Variants in SMARCB1 observed in about 807,000 individuals in gnomAD.
SMARCB1 encodes the protein SWI/SNF-related matrix-associated actin-dependent regulator of chromatin subfamily B member 1.
In SMARCB1, 5 loss-of-function variants were observed where a neutral mutation model predicts 49.0. The ratio of observed to expected loss-of-function variants is 0.10; its 90% CI spans 0.05 to 0.21. The LOEUF is 0.21. SMARCB1 is among the 10% of genes least tolerant of loss of function. The probability of loss-of-function intolerance (pLI) is 1.00; values close to 1 mark genes in which losing one functional copy is unlikely to be tolerated. For missense variants in SMARCB1, 226 were observed against 509.2 expected, an observed-to-expected ratio of 0.44 and a Z score of 5.35; for synonymous variants, 201 against 200.1, an observed-to-expected ratio of 1.00 and a Z score of -0.04.
intron 5 of SMARCB1, among the ~76,000 whole-genome samples, chr22:23,805,132 G>A (rs1223350095): frequency 2.0e-5 from 3 of 152,182 alleles, no homozygotes; most frequent in South Asian, 4.1e-4. Context: ...CCAGGCCTGA[G>A]TCCGAAGGCC....
intron 5 of SMARCB1, among the ~76,000 whole-genome samples, chr22:23,812,666 T>G (rs1929951302): frequency 6.6e-6 from 1 of 152,118 alleles, no homozygotes; most frequent in Admixed American, 6.6e-5. Flanking sequence ...GAAGGCTGGG[T>G]CAATATTTGA....
intron 5 of SMARCB1, among the ~76,000 whole-genome samples, chr22:23,813,049 T>G (rs1258597684): frequency 6.6e-6 from 1 of 152,156 alleles, no homozygotes; most frequent in Non-Finnish European, 1.5e-5. Context: ...GTATTTTTAG[T>G]AGAGACGGGG....
At position 23,837,639 on chromosome 22, in the gene SMARCB1, A is replaced by G; in HGVS notation, c.*3459A>G. ...GGGAGTGGCCAGCCTGGGGCGGACT[A>G]GATGTACCGGGAGGCTCACCCAGCA... On this transcript the variant is annotated 3_prime_UTR_variant, in exon 9 of 9. Transcript: ENST00000644036. 2 of 1,607,794 alleles carry G rather than the reference A, an allele frequency of 1.2e-6. No individual in the cohort carries two copies. Among genetic ancestry groups the G allele is most frequent in the Admixed American group, 1.7e-5 (1 of 59,782 alleles).
At chr22:23,814,264 A>G (rs1930049317) in intron 5 of SMARCB1, among the ~76,000 whole-genome samples, 1 of 152,248 alleles carries the variant, frequency 6.6e-6, no homozygotes, top group Non-Finnish European at 1.5e-5. Context: ...GAGAATCCAG[A>G]AACAGACCCA....
At chr22:23,807,424 A>T (rs1929561700) in intron 5 of SMARCB1, among the ~76,000 whole-genome samples, 1 of 151,998 alleles carries the variant, frequency 6.6e-6, no homozygotes. Flanking sequence ...TTTCTACAAA[A>T]ATTCACCAGA....
rs770520034 is a variant in SMARCB1, at chr22:23,787,131, C to T, written c.-39C>T. 2.2e-6 allele frequency: 3 copies of T among 1,381,692 alleles called. No homozygotes were observed. Among genetic ancestry groups the T allele is most frequent in the Middle Eastern group, 1.8e-4 (1 of 5,590 alleles). 85.6% of individuals were successfully genotyped at this position (1,381,692 alleles called of 1,614,324 possible). On this transcript the variant is annotated 5_prime_UTR_variant, in exon 1 of 9. Coordinates refer to ENST00000644036, the MANE Select transcript of SMARCB1 (RefSeq NM_003073.5). ...GGCCCCGCCCCAGCCCTCCTGATCC[C>T]TCGCAGCCCGGCTCCGGCCGCCCGC... is the stretch of plus-strand genomic sequence containing the variant.
At chr22:23,808,400 C>T (rs947701066) in intron 5 of SMARCB1, among the ~76,000 whole-genome samples, 1 of 151,558 alleles carries the variant, frequency 6.6e-6, no homozygotes, top group Non-Finnish European at 1.5e-5. Flanking sequence ...GGATTACAGG[C>T]GTGAGCCACG....
rs146476225 is a variant in SMARCB1, at chr22:23,827,478, A to C, written c.986+2063A>C. Reference sequence around the variant, plus strand: ...CCCTGGTGGTGGCAGGTCAGGATTTAGAGGCAGAGGCGGGCCCCTTCTTTA... The same window carrying C: ...CCCTGGTGGTGGCAGGTCAGGATTTCGAGGCAGAGGCGGGCCCCTTCTTTA... On this transcript the variant is annotated intron_variant, in intron 7 of 8. Coordinates refer to ENST00000644036, the MANE Select transcript of SMARCB1 (RefSeq NM_003073.5). Among the ~76,000 whole-genome samples, 28 of 152,320 alleles carry C rather than the reference A, an allele frequency of 1.8e-4. No homozygotes were observed. In the East Asian group the frequency reaches 5.2e-3, roughly 28 times the overall value.
At chr22:23,827,322 T>G (rs1245317872) in intron 7 of SMARCB1, among the ~76,000 whole-genome samples, 3 of 152,112 alleles carry the variant, frequency 2.0e-5, no homozygotes, top group Admixed American at 2.0e-4. Flanking sequence ...CCTTGCAACA[T>G]CCCTTCTTTC....
Position 23,836,959 on chromosome 22 carries a change from CTT to C in SMARCB1, c.*2781_*2782del. 1 of 1,597,416 alleles carries C rather than the reference CTT, an allele frequency of 6.3e-7. No homozygotes were observed. Among genetic ancestry groups the C allele is most frequent in the Non-Finnish European group, 8.5e-7 (1 of 1,172,404 alleles). On this transcript the variant is annotated 3_prime_UTR_variant, in exon 9 of 9. Transcript: ENST00000644036. ...CTTCTGCAGGGGCATCCAGGAGCAGCTTTCTGTGGGGAGGGGCCCGTGTTGAG... is the reference window on the plus strand; with the variant it reads ...CTTCTGCAGGGGCATCCAGGAGCAGCTCTGTGGGGAGGGGCCCGTGTTGAG...
chr22:23,807,335 C>G (rs1305103409), intron 5 of SMARCB1, among the ~76,000 whole-genome samples: 2 of 151,508 alleles, frequency 1.3e-5, no homozygotes, highest in Admixed American at 1.3e-4. Context: ...AGCACAGTTG[C>G]TCACGCCTGA....
intron 5 of SMARCB1, among the ~76,000 whole-genome samples, chr22:23,805,136 G>C (rs5751740): frequency 1.3e-5 from 2 of 152,156 alleles, no homozygotes; most frequent in African/African-American, 4.8e-5. Context: ...GCCTGAGTCC[G>C]AAGGCCTCTG....
At chr22:23,799,925 C>T (rs913118696) in intron 3 of SMARCB1, among the ~76,000 whole-genome samples, 4 of 151,690 alleles carry the variant, frequency 2.6e-5, no homozygotes, top group African/African-American at 9.7e-5. Context: ...ACCTCGTGAT[C>T]TGCCCGCGTC....
intron 5 of SMARCB1, among the ~76,000 whole-genome samples, chr22:23,809,144 G>C (rs1929708671): frequency 1.3e-5 from 2 of 151,722 alleles, no homozygotes; most frequent in Non-Finnish European, 2.9e-5. Context: ...AATGATGGTA[G>C]ATTTCTCGTG....
intron 7 of SMARCB1, among the ~76,000 whole-genome samples, chr22:23,830,185 G>C (rs2030580652): frequency 1.3e-5 from 2 of 152,152 alleles, no homozygotes; most frequent in South Asian, 4.1e-4. Flanking sequence ...GAGTAGAATT[G>C]CTGGGTCACG....
chr22:23,824,539 AGCCCCTGGGGTACAGTCTGTGT>A, intron 6 of SMARCB1: 1 of 143,070 alleles, frequency 7.0e-6, no homozygotes, highest in Non-Finnish European at 1.5e-5. Context: ...TGTAGGTGGG[AGCCCCTGGGGTACAGTCTGTGT>A]TCTCTCAGCT....
intron 1 of SMARCB1, among the ~76,000 whole-genome samples, chr22:23,789,889 C>T (rs754009634): frequency 3.9e-5 from 6 of 152,212 alleles, no homozygotes; most frequent in Non-Finnish European, 5.9e-5. Flanking sequence ...TAGCAACATA[C>T]CCAGTGCCTC....
Position 23,834,610 on chromosome 22 carries a change from C to A in SMARCB1, c.*430C>A. On this transcript the variant is annotated 3_prime_UTR_variant, in exon 9 of 9. Transcript: ENST00000644036. ...TGGGGGGACGAAGGTGGTATGTGAACAAGGTTGGCACACAGGCCTCACCCT... is the reference window on the plus strand; with the variant it reads ...TGGGGGGACGAAGGTGGTATGTGAAAAAGGTTGGCACACAGGCCTCACCCT... 1.4e-6 allele frequency: 1 copy of A among 735,958 alleles called. No homozygotes were observed. Among genetic ancestry groups the A allele is most frequent in the Non-Finnish European group, 2.4e-6 (1 of 424,870 alleles). 45.6% of individuals were successfully genotyped at this position (735,958 alleles called of 1,614,324 possible).
At chr22:23,812,430 A>G (rs1259990139) in intron 5 of SMARCB1, among the ~76,000 whole-genome samples, 3 of 152,178 alleles carry the variant, frequency 2.0e-5, no homozygotes, top group Non-Finnish European at 2.9e-5. Flanking sequence ...ATTCTACACA[A>G]TCTCTTCCAG....
Sources: allele counts gnomAD v4.1 joint callset (sites outside exome capture counted in the v4.1 genomes callset), GRCh38; gene constraint gnomAD v4.1.1; transcripts MANE v1.5; gene names NCBI Gene and HGNC (gene_info 2026-07-23, HGNC 2026-07-21).